TJAP1: variants seen among roughly 807,000 people sequenced by gnomAD.
TJAP1 encodes tight junction-associated protein 1.
Under a neutral mutation model 42.0 loss-of-function variants are expected in TJAP1, and 27 were observed. The observed-to-expected ratio is 0.64, with a 90% CI of 0.47 to 0.89. The LOEUF (loss-of-function observed/expected upper bound fraction) is 0.89, where lower values mean the gene tolerates loss of function less well. TJAP1 is among the 40% of genes least tolerant of loss of function. The pLI is 0.00. For synonymous variants in TJAP1, 257 were observed against 288.4 expected (o/e 0.89, Z 1.10); for missense variants, 712 against 726.9 (o/e 0.98, Z 0.24).
intron 4 of TJAP1, 58 bp downstream of exon 4, chr6:43,499,158 G>A (rs944442502): frequency 1.2e-5 from 19 of 1,599,456 alleles, no homozygotes; most frequent in African/African-American, 2.7e-5. Flanking sequence ...GAGGCTGGGT[G>A]TCTGGCTGAC....
intron 2 of TJAP1, among the ~76,000 whole-genome samples, chr6:43,478,504 T>C (rs1356195777): frequency 1.3e-5 from 2 of 152,256 alleles, no homozygotes; most frequent in Non-Finnish European, 2.9e-5. Flanking sequence ...AACACATCCC[T>C]GTCACAAGCA....
intron 2 of TJAP1, among the ~76,000 whole-genome samples, chr6:43,486,161 C>T (rs1045778113): frequency 1.3e-5 from 2 of 151,638 alleles, no homozygotes; most frequent in Non-Finnish European, 2.9e-5. Context: ...GACGGGGTTT[C>T]GCCATTTTGG....
At chr6:43,493,449 G>GT (rs1450322586) in intron 2 of TJAP1, among the ~76,000 whole-genome samples, 1 of 152,202 alleles carries the variant, frequency 6.6e-6, no homozygotes, top group East Asian at 1.9e-4. Flanking sequence ...GAGTGAGGTA[G>GT]TAGTGCAGAA....
exon 11 of TJAP1, chr6:43,506,261 T>A (rs116653268): frequency 0.012 from 1,954 of 157,386 alleles, 15 homozygotes; most frequent in Non-Finnish European, 0.02. Context: ...ATTGTTAACC[T>A]CATTTCCGTT....
chr6:43,493,428 GGA>G (rs1413946772), intron 2 of TJAP1, among the ~76,000 whole-genome samples: 1 of 152,194 alleles, frequency 6.6e-6, no homozygotes, highest in Non-Finnish European at 1.5e-5. Context: ...TCCAGGATCA[GGA>G]GAGTTGTGGA....
chr6:43,481,057 A>G (rs970441981), intron 2 of TJAP1, among the ~76,000 whole-genome samples: 2 of 152,138 alleles, frequency 1.3e-5, no homozygotes, highest in Non-Finnish European at 2.9e-5. Flanking sequence ...TTGTTTGACT[A>G]TATCCTGGTT....
At chr6:43,481,409 T>C (rs1465473815) in intron 2 of TJAP1, among the ~76,000 whole-genome samples, 2 of 151,956 alleles carry the variant, frequency 1.3e-5, no homozygotes, top group Non-Finnish European at 2.9e-5. Flanking sequence ...ATTACTGACA[T>C]GAGCAGTTGA....
In TJAP1 at chr6:43,492,382, C is replaced by T. The variant is rs1036188338; in HGVS notation, c.-121-5499C>T. The stretch of plus-strand genomic sequence containing the variant: ...GTGGCGGGCATAGCTGTTGGAGGGG[C>T]AGCAGGGCTGGTCTGGGCACAGACT... On this transcript the variant is annotated intron_variant, in intron 2 of 10. Transcript: ENST00000372449. The surrounding 1 kb of genome is among the most constrained non-coding windows in gnomAD (Gnocchi z 4.2). Among the ~76,000 whole-genome samples, 2 of 152,176 alleles carry T rather than the reference C, an allele frequency of 1.3e-5. No individual in the cohort carries two copies. The highest frequency in any genetic ancestry group is 2.9e-5 in the Non-Finnish European group (2 of 68,032).
At chr6:43,503,426 AGAC>A in exon 9 of TJAP1, 1 of 1,614,022 alleles carries the variant, frequency 6.2e-7, no homozygotes, top group Non-Finnish European at 8.5e-7. Context: ...ATGGATAGGA[AGAC>A]GCTGGACTGG....
At position 43,504,580 on chromosome 6, in the gene TJAP1, C is replaced by T. The variant is rs1257446105; in HGVS notation, c.580-181C>T. The T allele has an allele frequency of 6.4e-6, 5 of 787,106 alleles. No homozygotes were observed. The South Asian group carries it at 7.2e-5, about 11-fold the overall frequency. 48.8% of individuals were successfully genotyped at this position (787,106 alleles called of 1,614,324 possible). A position where few individuals can be genotyped will look rare whatever the true frequency, so the allele number is the denominator to read the frequency against. Reference sequence around the variant, plus strand: ...AACCAAAGCTTTGAGTTGTCTTCCCCTCTCCAGGCCTATGTGTCTGTGAAG... The same window carrying T: ...AACCAAAGCTTTGAGTTGTCTTCCCTTCTCCAGGCCTATGTGTCTGTGAAG... On this transcript the variant is annotated intron_variant, in intron 10 of 10. Coordinates refer to ENST00000372449, the Ensembl canonical transcript of TJAP1.
chr6:43,501,923 ACACACTCTCT>A (rs1790840997), intron 6 of TJAP1, among the ~76,000 whole-genome samples: 11 of 108,106 alleles, frequency 1.0e-4, no homozygotes, highest in African/African-American at 4.5e-4. Flanking sequence ...ACACACACAC[ACACACTCTCT>A]CTCTCTCTCT....
chr6:43,501,584 A>T (rs1790543178), exon 6 of TJAP1: 1 of 1,613,984 alleles, frequency 6.2e-7, no homozygotes, highest in African/African-American at 1.3e-5. Context: ...CACCAGACGC[A>T]CTGAGGCCCT....
intron 2 of TJAP1, among the ~76,000 whole-genome samples, chr6:43,486,164 C>T (rs1161455903): frequency 1.3e-5 from 2 of 151,770 alleles, no homozygotes; most frequent in Admixed American, 6.6e-5. Context: ...GGGGTTTCGC[C>T]ATTTTGGCCA....
Position 43,501,508 on chromosome 6 carries a change from C to T in TJAP1, c.129-18C>T. The T allele has an allele frequency of 6.2e-7, 1 of 1,608,492 alleles. No individual in the cohort carries two copies. The highest frequency in any genetic ancestry group is 8.5e-7 in the Non-Finnish European group (1 of 1,177,632). ...TCTCTCATACCCCTCTGCCCTTGAT[C>T]CCACAACACCCTGCCAGGCTCTTAC... On this transcript the variant is annotated intron_variant, in intron 5 of 10. Transcript: ENST00000372449.
Position 43,505,187 on chromosome 6 carries a change from G to A in TJAP1, c.1006G>A (p.Glu336Lys). ...TGGCCGCAGGGTAATAGAGTTCTCT[G>A]AGGATAAGGTTCGGATCCCCCGCAA... is the stretch of plus-strand genomic sequence containing the variant. Residue 336 changes from glutamate (E) to lysine (K), a missense_variant, in exon 11 of 11, where the codon GAG (glutamate) becomes AAG (lysine). Glu to Lys is a moderately conservative substitution (Grantham distance 56, BLOSUM62 1). This residue lies in a region of TJAP1 where 549 missense variants were observed against 528.2 expected (regional missense o/e 1.04). Coordinates refer to ENST00000372449, the Ensembl canonical transcript of TJAP1. The surrounding 1 kb of genome is among the most constrained non-coding windows in gnomAD (Gnocchi z 5.5). The A allele has an allele frequency of 6.2e-7, 1 of 1,614,192 alleles. No homozygotes were observed. The highest frequency in any genetic ancestry group is 8.5e-7 in the Non-Finnish European group (1 of 1,180,026).
At chr6:43,503,366 G>A in intron 8 of TJAP1, 35 bp from the exon 9 acceptor site, 2 of 1,550,318 alleles carry the variant, frequency 1.3e-6, no homozygotes, top group Middle Eastern at 2.1e-4. Flanking sequence ...GCTGGCTAGA[G>A]TGTGGGCTGG....
At position 43,505,160 on chromosome 6, in the gene TJAP1, C is replaced by T. The variant is rs771696551; in HGVS notation, c.979C>T (p.Pro327Ser). ...CCCGTCTCCACCACACCCACTGTAT[C>T]CTGGCCGCAGGGTAATAGAGTTCTC... The change falls in exon 11 of 11, where the codon CCT (proline) becomes TCT (serine). Residue 327 changes from proline to serine, a missense_variant. By Grantham distance (74) the Pro-to-Ser change is moderately conservative. Coordinates refer to ENST00000372449, the Ensembl canonical transcript of TJAP1. The surrounding 1 kb of genome is among the most constrained non-coding windows in gnomAD (Gnocchi z 5.5). 3 of 1,614,104 alleles carry T rather than the reference C, an allele frequency of 1.9e-6. No individual in the cohort carries two copies. Among genetic ancestry groups the T allele is most frequent in the African/African-American group, 2.7e-5 (2 of 74,930 alleles).
intron 2 of TJAP1, among the ~76,000 whole-genome samples, chr6:43,485,124 AT>A (rs1353525273): frequency 8.5e-5 from 13 of 152,234 alleles, no homozygotes; most frequent in Admixed American, 2.6e-4. Flanking sequence ...TCGTAATGTA[AT>A]TAAGGCTGGG....
At chr6:43,481,797 A>T (rs1785383123) in intron 2 of TJAP1, among the ~76,000 whole-genome samples, 1 of 152,094 alleles carries the variant, frequency 6.6e-6, no homozygotes, top group Non-Finnish European at 1.5e-5. Flanking sequence ...TTTGCCCTGT[A>T]TTTAAGACTC....
Sources: allele counts gnomAD v4.1 joint callset (sites outside exome capture counted in the v4.1 genomes callset), GRCh38; gene constraint gnomAD v4.1.1; regional missense constraint gnomAD v4.1.1; non-coding constraint Gnocchi (gnomAD v3.1); transcripts MANE v1.5; gene names NCBI Gene and HGNC (gene_info 2026-07-23, HGNC 2026-07-21).